The following RAI14 variants were observed in gnomAD, a reference collection of about 807,000 sequenced individuals.
The protein encoded by RAI14 is retinoic acid induced 14, also known as ankycorbin.
A neutral mutation model predicts 115.4 loss-of-function variants in RAI14; 45 were observed. The observed-to-expected ratio is 0.39, with a 90% confidence interval of 0.31 to 0.50. RAI14 has a LOEUF of 0.50. Among genes scored for constraint, RAI14 ranks in the 20% least tolerant of loss-of-function variants. The probability of loss-of-function intolerance (pLI) is 0.85; values close to 1 mark genes in which losing one functional copy is unlikely to be tolerated. For missense variants in RAI14, 939 were observed against 1,131.2 expected, an observed-to-expected ratio of 0.83 and a Z score of 2.44; for synonymous variants, 371 against 415.4, an observed-to-expected ratio of 0.89 and a Z score of 1.30.
intron 3 of RAI14, among the ~76,000 whole-genome samples, chr5:34,787,904 T>TTTTTTTTTTTTTTTTTG (rs1752499378): frequency 1.3e-5 from 1 of 77,846 alleles, no homozygotes; most frequent in Non-Finnish European, 2.5e-5. Flanking sequence ...TTTTTTTTTT[T>TTTTTTTTTTTTTTTTTG]TTTTTTTTTT....
chr5:34,770,602 G>A (rs975240330), intron 3 of RAI14, among the ~76,000 whole-genome samples: 1 of 152,194 alleles, frequency 6.6e-6, no homozygotes, highest in African/African-American at 2.4e-5. Context: ...ATGGAGTGAG[G>A]GATTCAGCTG....
chr5:34,734,013 G>C lies in RAI14; in HGVS notation c.37-23455G>C, dbSNP rs188173916. Among the ~76,000 whole-genome samples the C allele has an allele frequency of 2.5e-3, 385 of 152,260 alleles. 6 individuals are homozygous for C. Among genetic ancestry groups the C allele is most frequent in the Admixed American group, 0.022 (332 of 15,300 alleles). On this transcript the variant is annotated intron_variant, in intron 2 of 17. Coordinates refer to ENST00000265109, the MANE Select transcript of RAI14 (RefSeq NM_015577.3). ...CACTCATCCCTGCCGCTCCCAGCTG[G>C]GGGTACATAGGCTGCTTCTCTGGAG... is the stretch of plus-strand genomic sequence containing the variant.
intron 4 of RAI14, among the ~76,000 whole-genome samples, chr5:34,800,376 G>T (rs1486384570): frequency 6.6e-6 from 1 of 152,156 alleles, no homozygotes; most frequent in African/African-American, 2.4e-5. Flanking sequence ...AGGCACTTAG[G>T]ATTGCCCTTG....
intron 14 of RAI14, among the ~76,000 whole-genome samples, chr5:34,822,242 G>GTA (rs1291324118): frequency 1.0e-5 from 1 of 98,492 alleles, no homozygotes; most frequent in South Asian, 3.3e-4. Context: ...ATATATGTAT[G>GTA]TGTGTATGTA....
At chr5:34,808,495 C>A in intron 6 of RAI14, 89 bp from the exon 7 acceptor site, 1 of 1,188,460 alleles carries the variant, frequency 8.4e-7, no homozygotes, top group Non-Finnish European at 1.2e-6. Flanking sequence ...GTGGGTAGAA[C>A]ATGAACATTT....
chr5:34,718,281 A>C (rs977886508), intron 2 of RAI14, among the ~76,000 whole-genome samples: 57 of 152,358 alleles, frequency 3.7e-4, no homozygotes, highest in Middle Eastern at 6.8e-3. Flanking sequence ...TGTCCAACTG[A>C]TCAGGCATGA....
rs534251775 is a variant in RAI14 at position 34,791,408 on chromosome 5, A to G, written c.168-4531A>G. The stretch of plus-strand genomic sequence containing the variant: ...GAAGTCACTTATTATATGCCATATA[A>G]TTAAAAAGTTATATGGTATATTCTC... On this transcript the variant is annotated intron_variant, in intron 3 of 17. Coordinates refer to ENST00000265109, the MANE Select transcript of RAI14 (RefSeq NM_015577.3). The surrounding 1 kb of genome is among the most constrained non-coding windows in gnomAD (Gnocchi z 5.4). Among the ~76,000 whole-genome samples the G allele has an allele frequency of 3.0e-4, 45 of 152,170 alleles. No individual in the cohort carries two copies. Among genetic ancestry groups the G allele is most frequent in the Non-Finnish European group, 5.6e-4 (38 of 68,034 alleles).
At chr5:34,734,080 C>T (rs1744543911) in intron 2 of RAI14, among the ~76,000 whole-genome samples, 1 of 152,242 alleles carries the variant, frequency 6.6e-6, no homozygotes, top group South Asian at 2.1e-4. Flanking sequence ...CTTTTCTTCT[C>T]TGTGGCTCAG....
chr5:34,698,939 A>T (rs148224978), intron 2 of RAI14, among the ~76,000 whole-genome samples: 2 of 152,130 alleles, frequency 1.3e-5, no homozygotes, highest in East Asian at 3.9e-4. Context: ...GCAGGGAGGG[A>T]GCCTAGATTC....
In RAI14 at chr5:34,824,479, T is replaced by TA; in HGVS notation, c.2640dup (p.Asp881ArgfsTer2). 1 of 1,573,030 alleles carries TA rather than the reference T, an allele frequency of 6.4e-7. No homozygotes were observed. The highest frequency in any genetic ancestry group is 8.6e-7 in the Non-Finnish European group (1 of 1,160,232). ...AGAGCTCTTCAAAACTGGAGGAAGA[T>TA]AAAGATAAAAAGGTTGGTGAAACTG... On this transcript the variant is annotated frameshift_variant, in exon 15 of 18. Coordinates refer to ENST00000265109, the MANE Select transcript of RAI14 (RefSeq NM_015577.3). LOFTEE classifies it high-confidence loss of function.
At chr5:34,676,328 G>A (rs1001566627) in intron 1 of RAI14, among the ~76,000 whole-genome samples, 2 of 152,094 alleles carry the variant, frequency 1.3e-5, no homozygotes, top group Admixed American at 6.5e-5. Context: ...GTGTTTAGAC[G>A]GTGGTATTGT....
chr5:34,677,250 T>C (rs194367), intron 1 of RAI14, among the ~76,000 whole-genome samples: 121,177 of 151,386 alleles, frequency 0.8, 48,609 homozygotes, highest in South Asian at 0.91. Context: ...CAGCAACCTT[T>C]GTCTCCTGGC....
chr5:34,761,863 A>G (rs1212897891), intron 3 of RAI14, among the ~76,000 whole-genome samples: 1 of 152,198 alleles, frequency 6.6e-6, no homozygotes, highest in African/African-American at 2.4e-5. Context: ...CTTGGCCTCA[A>G]GTGATCCTCC....
intron 14 of RAI14, among the ~76,000 whole-genome samples, chr5:34,822,619 TC>T (rs1370468522): frequency 6.9e-6 from 1 of 144,892 alleles, no homozygotes; most frequent in Non-Finnish European, 1.5e-5. Flanking sequence ...GCGGATTTAC[TC>T]CTCTCATTCT....
chr5:34,769,355 C>T (rs1277867393), intron 3 of RAI14, among the ~76,000 whole-genome samples: 1 of 152,124 alleles, frequency 6.6e-6, no homozygotes, highest in African/African-American at 2.4e-5. Context: ...GTTAATTCTA[C>T]AGAGTAGAAT....
At chr5:34,788,789 G>A (rs1417240944) in intron 3 of RAI14, among the ~76,000 whole-genome samples, 1 of 152,008 alleles carries the variant, frequency 6.6e-6, no homozygotes, top group Non-Finnish European at 1.5e-5. Context: ...AGCCAACATG[G>A]TGAAACCCCG....
At chr5:34,673,643 A>T (rs553960656) in intron 1 of RAI14, among the ~76,000 whole-genome samples, 1 of 152,336 alleles carries the variant, frequency 6.6e-6, no homozygotes, top group African/African-American at 2.4e-5. Context: ...GAAATAGCTT[A>T]GGCTAGAAGG....
chr5:34,805,168 A>G (rs757712918), intron 5 of RAI14, among the ~76,000 whole-genome samples: 11 of 152,190 alleles, frequency 7.2e-5, no homozygotes, highest in Non-Finnish European at 1.0e-4. Context: ...AAGGGCAGAC[A>G]TTTCACTAGC....
chr5:34,706,890 A>G (rs1332718535), intron 2 of RAI14, among the ~76,000 whole-genome samples: 1 of 152,164 alleles, frequency 6.6e-6, no homozygotes, highest in African/African-American at 2.4e-5. Flanking sequence ...ATCTTCCTTA[A>G]CAAGAGGCAA....
Sources: allele counts gnomAD v4.1 joint callset (sites outside exome capture counted in the v4.1 genomes callset), GRCh38; gene constraint gnomAD v4.1.1; non-coding constraint Gnocchi (gnomAD v3.1); transcripts MANE v1.5; gene names NCBI Gene and HGNC (gene_info 2026-07-23, HGNC 2026-07-21).